Variants in ADARB2 observed in about 807,000 individuals in gnomAD.
ADARB2 encodes the protein adenosine deaminase RNA specific B2 (inactive).
A neutral mutation model predicts 62.2 loss-of-function variants in ADARB2; 25 were observed. The observed-to-expected ratio is 0.40, with a 90% confidence interval of 0.29 to 0.56. The LOEUF is 0.56. ADARB2 is among the 20% of genes least tolerant of loss of function. ADARB2 has a pLI of 0.43. For missense variants in ADARB2, 1,071 were observed against 1,077.4 expected, an observed-to-expected ratio of 0.99 and a Z score of 0.08; for synonymous variants, 572 against 500.8, an observed-to-expected ratio of 1.14 and a Z score of -1.90.
intron 1 of ADARB2, among the ~76,000 whole-genome samples, chr10:1,580,025 A>G (rs1029348765): frequency 6.6e-6 from 1 of 152,202 alleles, no homozygotes; most frequent in Non-Finnish European, 1.5e-5. Flanking sequence ...AGGAATGTAC[A>G]ACTTGGACGA....
At chr10:1,339,137 G>C (rs982724385) in intron 3 of ADARB2, among the ~76,000 whole-genome samples, 1 of 152,212 alleles carries the variant, frequency 6.6e-6, no homozygotes, top group African/African-American at 2.4e-5. Flanking sequence ...GCCACGCCCT[G>C]TGCTGAGCCG....
intron 1 of ADARB2, among the ~76,000 whole-genome samples, chr10:1,561,523 A>G (rs1047816038): frequency 4.6e-5 from 7 of 152,174 alleles, no homozygotes; most frequent in African/African-American, 1.7e-4. Flanking sequence ...AAAAGACCAA[A>G]TTAGACCCCT....
chr10:1,545,748 G>A (rs990141889), intron 1 of ADARB2, among the ~76,000 whole-genome samples: 1 of 152,180 alleles, frequency 6.6e-6, no homozygotes, highest in Non-Finnish European at 1.5e-5. Context: ...AAGCCCCAAG[G>A]TCAGCAGAGG....
chr10:1,508,431 C>T (rs1332389363), intron 1 of ADARB2, among the ~76,000 whole-genome samples: 1 of 152,164 alleles, frequency 6.6e-6, no homozygotes, highest in Non-Finnish European at 1.5e-5. Flanking sequence ...TGGGAGACTC[C>T]CAGGAGGCCC....
At chr10:1,728,802 T>C (rs975687045) in intron 1 of ADARB2, among the ~76,000 whole-genome samples, 5 of 152,358 alleles carry the variant, frequency 3.3e-5, no homozygotes, top group African/African-American at 1.2e-4. Flanking sequence ...AGTATAAGGA[T>C]GTTGGAATAA....
At chr10:1,442,733 T>C (rs955010640) in intron 1 of ADARB2, among the ~76,000 whole-genome samples, 1 of 152,184 alleles carries the variant, frequency 6.6e-6, no homozygotes, top group African/African-American at 2.4e-5. Flanking sequence ...GCACAGAAGA[T>C]AGAAAAGTTC....
chr10:1,575,178 C>A (rs1447865623), intron 1 of ADARB2, among the ~76,000 whole-genome samples: 1 of 152,122 alleles, frequency 6.6e-6, no homozygotes, highest in Non-Finnish European at 1.5e-5. Flanking sequence ...AATTAATTCA[C>A]CCCTCATGGA....
intron 3 of ADARB2, among the ~76,000 whole-genome samples, chr10:1,278,420 C>G (rs191131165): frequency 6.6e-6 from 1 of 151,318 alleles, no homozygotes; most frequent in African/African-American, 2.4e-5. Context: ...GTTTCTCAAC[C>G]CCCTCCCTCC....
intron 3 of ADARB2, among the ~76,000 whole-genome samples, chr10:1,272,789 G>A (rs1233486410): frequency 2.6e-5 from 4 of 152,222 alleles, no homozygotes; most frequent in Admixed American, 6.5e-5. Flanking sequence ...TGGACACCCC[G>A]TGTGCTGTGT....
At chr10:1,557,644 C>G (rs1023949743) in intron 1 of ADARB2, among the ~76,000 whole-genome samples, 9 of 152,302 alleles carry the variant, frequency 5.9e-5, no homozygotes, top group Admixed American at 5.9e-4. Context: ...TGGCTCACAC[C>G]TGTAATCCCA....
intron 3 of ADARB2, chr10:1,292,171 C>T (rs1332626778): frequency 2.6e-5 from 4 of 152,388 alleles, no homozygotes; most frequent in Non-Finnish European, 5.9e-5. Context: ...ACTCTGTGAC[C>T]CAGGCTGGTC....
intron 4 of ADARB2, among the ~76,000 whole-genome samples, chr10:1,254,295 G>C (rs1363649839): frequency 1.3e-5 from 2 of 152,196 alleles, no homozygotes; most frequent in South Asian, 4.1e-4. Flanking sequence ...GCCTCCTGTT[G>C]TATGGGTGAC....
rs1834861850 is a variant in ADARB2, at chr10:1,704,414, G to GTC, written c.100+32635_100+32636dup. 6.6e-6 allele frequency among the ~76,000 whole-genome samples: 1 copy of GTC among 152,192 alleles called. No individual in the cohort carries two copies. The highest frequency in any genetic ancestry group is 1.5e-5 in the Non-Finnish European group (1 of 68,034). Reference sequence around the variant, plus strand: ...ATCAGGCATTAGATTTTCATAAGGAGTCTGCAACCTGGATCCCTTACAAGC... The same window carrying GTC: ...ATCAGGCATTAGATTTTCATAAGGAGTCTCTGCAACCTGGATCCCTTACAAGC... On this transcript the variant is annotated intron_variant, in intron 1 of 9. Coordinates refer to ENST00000381312, the MANE Select transcript of ADARB2 (RefSeq NM_018702.4). This position sits in a 1 kb window ranked among gnomAD's most constrained non-coding sequence, Gnocchi z 5.6.
intron 1 of ADARB2, among the ~76,000 whole-genome samples, chr10:1,553,855 C>G (rs1439438012): frequency 6.6e-6 from 1 of 152,186 alleles, no homozygotes; most frequent in Non-Finnish European, 1.5e-5. Flanking sequence ...TTTCCCATCG[C>G]CCCAAACACA....
chr10:1,588,630 C>T lies in ADARB2; in HGVS notation c.100+148421G>A, dbSNP rs1833210205. On this transcript the variant is annotated intron_variant, in intron 1 of 9. Transcript: ENST00000381312. ...AAACCTTTCTATGCCTGATACCGAG[C>T]TCGGAATTTTGGCCTAAGGAGGAGA... Among the ~76,000 whole-genome samples, 3 of 152,134 alleles carry T rather than the reference C, an allele frequency of 2.0e-5. No individual in the cohort carries two copies. In the South Asian group the frequency reaches 6.2e-4, roughly 32 times the overall value.
chr10:1,698,338 C>T (rs1834774638), intron 1 of ADARB2, among the ~76,000 whole-genome samples: 1 of 152,248 alleles, frequency 6.6e-6, no homozygotes, highest in Non-Finnish European at 1.5e-5. Context: ...GGAGGCCACT[C>T]TGACCTTTGA....
intron 1 of ADARB2, among the ~76,000 whole-genome samples, chr10:1,441,818 A>T (rs1830910342): frequency 6.6e-6 from 1 of 152,206 alleles, no homozygotes; most frequent in South Asian, 2.1e-4. Flanking sequence ...CAGATGAGGG[A>T]ATTGAGCTTA....
At chr10:1,598,022 T>C (rs1789987906) in intron 1 of ADARB2, among the ~76,000 whole-genome samples, 2 of 152,222 alleles carry the variant, frequency 1.3e-5, no homozygotes, top group East Asian at 1.9e-4. Flanking sequence ...ACTCAGAGCA[T>C]GTATCAAATG....
At chr10:1,418,610 T>C (rs1832825980) in intron 1 of ADARB2, among the ~76,000 whole-genome samples, 1 of 152,228 alleles carries the variant, frequency 6.6e-6, no homozygotes, top group South Asian at 2.1e-4. Flanking sequence ...TCTGGTGTCT[T>C]GAGGAAATTA....
Sources: allele counts gnomAD v4.1 joint callset (sites outside exome capture counted in the v4.1 genomes callset), GRCh38; gene constraint gnomAD v4.1.1; non-coding constraint Gnocchi (gnomAD v3.1); transcripts MANE v1.5; gene names NCBI Gene and HGNC (gene_info 2026-07-23, HGNC 2026-07-21).